The following CSMD1 variants were observed in gnomAD, a reference collection of about 807,000 sequenced individuals.
The protein encoded by CSMD1 is CUB and sushi domain-containing protein 1.
In CSMD1, 213 loss-of-function variants were observed where a neutral mutation model predicts 417.5. That is an observed-to-expected ratio of 0.51 (90% CI 0.46 to 0.57). The LOEUF (loss-of-function observed/expected upper bound fraction) is 0.57, where lower values mean the gene tolerates loss of function less well. Among genes scored for constraint, CSMD1 ranks in the 20% least tolerant of loss-of-function variants. The pLI is 0.00. For missense variants in CSMD1, 6,923 were observed against 4,529.7 expected (o/e 1.53, Z -15.17); for synonymous variants, 2,862 against 1,736.8 (o/e 1.65, Z -16.11).
chr8:4,134,937 C>G (rs977046238), intron 3 of CSMD1, among the ~76,000 whole-genome samples: 2 of 152,274 alleles, frequency 1.3e-5, no homozygotes, highest in Admixed American at 6.5e-5. Context: ...TCATCTCATT[C>G]CTCAACCAAC....
intron 6 of CSMD1, among the ~76,000 whole-genome samples, chr8:3,730,201 G>A (rs1349721092): frequency 2.6e-5 from 4 of 152,150 alleles, no homozygotes; most frequent in African/African-American, 7.2e-5. Flanking sequence ...GGTAGGCAGA[G>A]AATGAGGCTT....
At chr8:3,333,247 C>T (rs1052674702) in intron 23 of CSMD1, among the ~76,000 whole-genome samples, 3 of 152,312 alleles carry the variant, frequency 2.0e-5, no homozygotes, top group South Asian at 2.1e-4. Context: ...CCAGCCAAGC[C>T]GTGTCTGGGC....
At chr8:3,493,776 G>C (rs1404056876) in intron 10 of CSMD1, 50 bp from the exon 11 acceptor site, 18 of 1,469,022 alleles carry the variant, frequency 1.2e-5, no homozygotes, top group Non-Finnish European at 1.5e-5. Flanking sequence ...TACTTCCCAT[G>C]ACTTTTAATA....
intron 3 of CSMD1, among the ~76,000 whole-genome samples, chr8:4,243,538 G>T (rs931858847): frequency 6.6e-6 from 1 of 152,002 alleles, no homozygotes. Context: ...CCAGAGAAAT[G>T]GGGAAATTAC....
At chr8:4,390,751 C>T (rs1803796374) in intron 3 of CSMD1, among the ~76,000 whole-genome samples, 1 of 151,838 alleles carries the variant, frequency 6.6e-6, no homozygotes, top group African/African-American at 2.4e-5. Flanking sequence ...CTGACCTCGT[C>T]AGGATGGTCT....
chr8:3,845,763 T>C (rs1803463394), intron 5 of CSMD1, among the ~76,000 whole-genome samples: 2 of 152,230 alleles, frequency 1.3e-5, no homozygotes, highest in African/African-American at 2.4e-5. Context: ...GCTCAGAACA[T>C]ACTTTGTACA....
chr8:4,678,945 G>A (rs1361475804), intron 1 of CSMD1, among the ~76,000 whole-genome samples: 1 of 152,100 alleles, frequency 6.6e-6, no homozygotes, highest in Non-Finnish European at 1.5e-5. Flanking sequence ...AACCAAACCA[G>A]CCAACCTTAC....
At chr8:3,295,806 C>G (rs969603142) in intron 25 of CSMD1, among the ~76,000 whole-genome samples, 9 of 152,176 alleles carry the variant, frequency 5.9e-5, no homozygotes, top group African/African-American at 2.2e-4. Context: ...GTTTAAATTA[C>G]TTTCCCTGAT....
chr8:4,060,897 C>T (rs1798936209), intron 3 of CSMD1, among the ~76,000 whole-genome samples: 1 of 152,148 alleles, frequency 6.6e-6, no homozygotes, highest in South Asian at 2.1e-4. Flanking sequence ...AAAACTCCCA[C>T]TAAGCCTGTT....
chr8:2,991,380 T>C (rs1806372006), intron 54 of CSMD1, among the ~76,000 whole-genome samples: 1 of 152,214 alleles, frequency 6.6e-6, no homozygotes, highest in Non-Finnish European at 1.5e-5. Flanking sequence ...GAGATTTTTT[T>C]GGCAATGCAA....
At chr8:3,982,300 T>C (rs1813945477) in intron 5 of CSMD1, among the ~76,000 whole-genome samples, 1 of 151,762 alleles carries the variant, frequency 6.6e-6, no homozygotes, top group African/African-American at 2.4e-5. Context: ...AGTTGTGTGA[T>C]ACAGCATAAA....
At chr8:3,632,622 C>G (rs1796841658) in intron 7 of CSMD1, among the ~76,000 whole-genome samples, 1 of 152,132 alleles carries the variant, frequency 6.6e-6, no homozygotes, top group African/African-American at 2.4e-5. Flanking sequence ...GCTAATTCTC[C>G]TGAAAGAATT....
At position 4,151,944 on chromosome 8, in the gene CSMD1, A is replaced by G. The variant is rs138852762; in HGVS notation, c.416-119845T>C. On this transcript the variant is annotated intron_variant, in intron 3 of 69. Coordinates refer to ENST00000635120, the MANE Select transcript of CSMD1 (RefSeq NM_033225.6). ...CAGAGATAAGTTTTGCCTGCATAAA[A>G]TCAATGGGAGGTGTAAGCAGTTACA... 2.1e-3 allele frequency among the ~76,000 whole-genome samples: 318 copies of G among 152,294 alleles called. 1 individual carries two copies. Among genetic ancestry groups the G allele is most frequent in the African/African-American group, 6.9e-3 (288 of 41,552 alleles).
chr8:2,993,172 T>C (rs763553342), intron 54 of CSMD1, among the ~76,000 whole-genome samples: 3 of 152,232 alleles, frequency 2.0e-5, no homozygotes, highest in Admixed American at 1.3e-4. Flanking sequence ...TATACACTTA[T>C]GTGAAATTTT....
At chr8:4,911,209 T>A (rs1805648199) in intron 1 of CSMD1, among the ~76,000 whole-genome samples, 1 of 152,242 alleles carries the variant, frequency 6.6e-6, no homozygotes, top group South Asian at 2.1e-4. Flanking sequence ...AGATTTTGGC[T>A]TTTCCTCAAA....
intron 41 of CSMD1, chr8:3,128,967 C>T (rs1817652859): frequency 2.4e-6 from 1 of 422,296 alleles, no homozygotes. Context: ...AGCTGCGTGA[C>T]AAACAATACT....
chr8:4,972,281 C>A (rs573755551), intron 1 of CSMD1, among the ~76,000 whole-genome samples: 1 of 145,556 alleles, frequency 6.9e-6, no homozygotes, highest in African/African-American at 2.8e-5. Flanking sequence ...GCTCTGTCAC[C>A]ACCAAAAATT....
intron 3 of CSMD1, among the ~76,000 whole-genome samples, chr8:4,367,391 G>A (rs545001993): frequency 1.3e-5 from 2 of 151,970 alleles, no homozygotes; most frequent in East Asian, 1.9e-4. Context: ...TTATTTCTGG[G>A]TCCTCTCTCA....
intron 1 of CSMD1, among the ~76,000 whole-genome samples, chr8:4,900,271 C>A (rs1373619535): frequency 6.6e-6 from 1 of 152,212 alleles, no homozygotes; most frequent in Non-Finnish European, 1.5e-5. Flanking sequence ...TTCTTTCGCA[C>A]TTTGAATCAG....
Sources: allele counts gnomAD v4.1 joint callset (sites outside exome capture counted in the v4.1 genomes callset), GRCh38; gene constraint gnomAD v4.1.1; transcripts MANE v1.5; gene names NCBI Gene and HGNC (gene_info 2026-07-23, HGNC 2026-07-21).